DOCK10: variants seen among roughly 807,000 people sequenced by gnomAD.
The protein encoded by DOCK10 is dedicator of cytokinesis 10.
DOCK10 carries 145 observed loss-of-function variants against 280.1 expected under a neutral mutation model. The ratio of observed to expected loss-of-function variants is 0.52; its 90% CI spans 0.45 to 0.59. The LOEUF (loss-of-function observed/expected upper bound fraction) is 0.59, where lower values mean the gene tolerates loss of function less well. DOCK10 is among the 20% of genes least tolerant of loss of function. The pLI is 0.00. For synonymous variants in DOCK10, 915 were observed against 942.2 expected (o/e 0.97, Z 0.53); for missense variants, 2,368 against 2,651.7 (o/e 0.89, Z 2.35).
chr2:224,973,554 T>TC (rs1027859136), intron 1 of DOCK10, among the ~76,000 whole-genome samples: 1 of 151,956 alleles, frequency 6.6e-6, no homozygotes, highest in African/African-American at 2.4e-5. Flanking sequence ...AAACAGATTC[T>TC]CCCCTAGCAC....
At chr2:225,028,959 G>A (rs569300696) in intron 1 of DOCK10, among the ~76,000 whole-genome samples, 16 of 152,202 alleles carry the variant, frequency 1.1e-4, no homozygotes, top group African/African-American at 3.9e-4. Flanking sequence ...TGCTCTATTG[G>A]GTTTAAGGCT....
chr2:224,863,261 A>G (rs1480515300), intron 13 of DOCK10, among the ~76,000 whole-genome samples: 2 of 152,158 alleles, frequency 1.3e-5, no homozygotes, highest in African/African-American at 4.8e-5. Flanking sequence ...ATAAAACTTT[A>G]TTTATCAAAA....
At chr2:225,014,081 A>ATATATATATATATATATTTTTTT (rs776104946) in intron 1 of DOCK10, among the ~76,000 whole-genome samples, 3 of 96,798 alleles carry the variant, frequency 3.1e-5, no homozygotes, top group African/African-American at 1.4e-4. Flanking sequence ...GTCTGAATAT[A>ATATATATATATATATATTTTTTT]TTGTTTTTTT....
At chr2:224,926,149 G>C (rs1340624067) in intron 2 of DOCK10, among the ~76,000 whole-genome samples, 1 of 152,216 alleles carries the variant, frequency 6.6e-6, no homozygotes, top group Non-Finnish European at 1.5e-5. Flanking sequence ...GACACATGTA[G>C]TGCAGGAGTT....
chr2:224,934,822 G>A (rs987245197), intron 1 of DOCK10, among the ~76,000 whole-genome samples: 2 of 152,158 alleles, frequency 1.3e-5, no homozygotes, highest in Non-Finnish European at 2.9e-5. Flanking sequence ...CTCTGAATTG[G>A]CTTGGATTTT....
At chr2:224,989,100 G>C (rs1706059399) in intron 1 of DOCK10, among the ~76,000 whole-genome samples, 1 of 152,176 alleles carries the variant, frequency 6.6e-6, no homozygotes, top group South Asian at 2.1e-4. Flanking sequence ...GAATTCATTG[G>C]AGGCTGATCC....
intron 1 of DOCK10, among the ~76,000 whole-genome samples, chr2:225,022,765 G>A (rs1200065106): frequency 6.6e-6 from 1 of 152,194 alleles, no homozygotes; most frequent in Non-Finnish European, 1.5e-5. Flanking sequence ...CTGGGGCCAG[G>A]AAACTGTGTG....
chr2:224,911,687 G>C (rs149507352), intron 3 of DOCK10, among the ~76,000 whole-genome samples: 10 of 152,228 alleles, frequency 6.6e-5, no homozygotes, highest in Non-Finnish European at 1.0e-4. Flanking sequence ...GGGTTCTAGA[G>C]ACTCAGAGCC....
At chr2:224,775,473 A>ACAT (rs35850101) in intron 51 of DOCK10, among the ~76,000 whole-genome samples, 1 of 150,170 alleles carries the variant, frequency 6.7e-6, no homozygotes, top group African/African-American at 2.4e-5. Flanking sequence ...CATTTTATTT[A>ACAT]TATTATTATT....
chr2:225,032,081 T>C (rs1690093444), intron 1 of DOCK10, among the ~76,000 whole-genome samples: 3 of 152,194 alleles, frequency 2.0e-5, no homozygotes, highest in Admixed American at 2.0e-4. Context: ...TAATCAATAA[T>C]CATCTTATTA....
intron 7 of DOCK10, among the ~76,000 whole-genome samples, chr2:224,881,505 T>C (rs906152987): frequency 3.9e-5 from 6 of 152,368 alleles, no homozygotes; most frequent in African/African-American, 1.2e-4. Flanking sequence ...TATGTGGGTA[T>C]GCCTACTTTA....
intron 1 of DOCK10, among the ~76,000 whole-genome samples, chr2:224,973,911 A>G (rs1705242113): frequency 6.6e-6 from 1 of 152,098 alleles, no homozygotes; most frequent in African/African-American, 2.4e-5. Context: ...GCATTTTCTC[A>G]TGTGGTTTCT....
intron 1 of DOCK10, 138 bp from the exon 2 acceptor site, chr2:224,931,806 G>C: frequency 1.1e-6 from 1 of 908,738 alleles, no homozygotes; most frequent in East Asian, 2.9e-5. Flanking sequence ...AGAGACTCCA[G>C]GAATTTAGGG....
chr2:225,041,510 G>A (rs559892864), intron 1 of DOCK10, among the ~76,000 whole-genome samples: 1 of 152,242 alleles, frequency 6.6e-6, no homozygotes, highest in Admixed American at 6.5e-5. Context: ...GACTTCCCGC[G>A]GAAATCACCC....
At chr2:224,982,272 A>C in intron 1 of DOCK10, 2 of 1,231,996 alleles carry the variant, frequency 1.6e-6, no homozygotes, top group Non-Finnish European at 2.0e-6. Context: ...ATTTCGTGGG[A>C]TGGTTCCTCT....
At chr2:224,788,765 T>C (rs542411006) in intron 48 of DOCK10, among the ~76,000 whole-genome samples, 44 of 152,354 alleles carry the variant, frequency 2.9e-4, no homozygotes, top group Middle Eastern at 3.4e-3. Context: ...AAGAAAGCTA[T>C]GATCAGTTCG....
intron 39 of DOCK10, among the ~76,000 whole-genome samples, chr2:224,803,097 A>G (rs1693128604): frequency 6.6e-6 from 1 of 152,064 alleles, no homozygotes; most frequent in African/African-American, 2.4e-5. Flanking sequence ...GTGGAGGAAA[A>G]GCCCTGGTTT....
intron 2 of DOCK10, 74 bp from the exon 3 acceptor site, chr2:224,916,858 A>G: frequency 9.1e-7 from 1 of 1,101,514 alleles, no homozygotes; most frequent in East Asian, 2.6e-5. Flanking sequence ...CTGAACACAC[A>G]AAAGGGAAGT....
At chr2:225,035,993 G>A (rs1370967536) in intron 1 of DOCK10, among the ~76,000 whole-genome samples, 1 of 151,970 alleles carries the variant, frequency 6.6e-6, no homozygotes, top group African/African-American at 2.4e-5. Context: ...CATATAGGGG[G>A]TTAAGGCATC....
Sources: allele counts gnomAD v4.1 joint callset (sites outside exome capture counted in the v4.1 genomes callset), GRCh38; gene constraint gnomAD v4.1.1; transcripts MANE v1.5; gene names NCBI Gene and HGNC (gene_info 2026-07-23, HGNC 2026-07-21).